Variants in ANKRD6 observed in about 807,000 individuals in gnomAD.
ANKRD6 encodes ankyrin repeat domain 6.
In ANKRD6, 56 loss-of-function variants were observed where a neutral mutation model predicts 82.3. The observed-to-expected ratio is 0.68, with a 90% CI of 0.55 to 0.85. The LOEUF (loss-of-function observed/expected upper bound fraction) is 0.85. Ranked by LOEUF, ANKRD6 falls within the 40% of genes least tolerant of loss-of-function variation. ANKRD6 has a pLI of 0.00. For missense variants in ANKRD6, 852 were observed against 907.6 expected (o/e 0.94, Z 0.79); for synonymous variants, 347 against 352.1 (o/e 0.99, Z 0.16).
At chr6:89,480,199 CAGA>C (rs1776625012) in intron 1 of ANKRD6, among the ~76,000 whole-genome samples, 1 of 152,184 alleles carries the variant, frequency 6.6e-6, no homozygotes, top group African/African-American at 2.4e-5. Flanking sequence ...GTAACTATCC[CAGA>C]AGATCAGCCT....
intron 2 of ANKRD6, among the ~76,000 whole-genome samples, chr6:89,576,703 TG>T (rs1791184129): frequency 2.6e-5 from 4 of 152,130 alleles, no homozygotes; most frequent in African/African-American, 9.7e-5. Context: ...AAGCTCCCGT[TG>T]GGTCTGTCAG....
At chr6:89,509,579 C>T (rs777368318) in intron 1 of ANKRD6, among the ~76,000 whole-genome samples, 6 of 152,186 alleles carry the variant, frequency 3.9e-5, no homozygotes, top group Non-Finnish European at 8.8e-5. Flanking sequence ...AATGACAGTT[C>T]ACACAGTGCC....
intron 2 of ANKRD6, among the ~76,000 whole-genome samples, chr6:89,586,682 C>T (rs1302174713): frequency 2.0e-5 from 3 of 151,040 alleles, no homozygotes; most frequent in African/African-American, 7.3e-5. Context: ...GCAAGACTGT[C>T]TTGGGGGAGA....
chr6:89,499,310 T>C (rs549263198), intron 1 of ANKRD6, among the ~76,000 whole-genome samples: 4 of 152,310 alleles, frequency 2.6e-5, no homozygotes, highest in African/African-American at 4.8e-5. Flanking sequence ...CCAGGACTTA[T>C]TCATATGGGC....
intron 1 of ANKRD6, among the ~76,000 whole-genome samples, chr6:89,481,305 C>T (rs1776779286): frequency 6.6e-6 from 1 of 152,172 alleles, no homozygotes; most frequent in Non-Finnish European, 1.5e-5. Flanking sequence ...TCAAATTGAA[C>T]ATCTCAAACC....
At chr6:89,523,781 T>A (rs1316199694) in intron 1 of ANKRD6, among the ~76,000 whole-genome samples, 1 of 152,142 alleles carries the variant, frequency 6.6e-6, no homozygotes, top group African/African-American at 2.4e-5. Context: ...CTGTGTTAGG[T>A]GCTAAGCCTG....
intron 1 of ANKRD6, among the ~76,000 whole-genome samples, chr6:89,548,344 T>C (rs1242373290): frequency 6.6e-6 from 1 of 152,234 alleles, no homozygotes; most frequent in Non-Finnish European, 1.5e-5. Context: ...TGCATCTATG[T>C]TATAGCATGT....
intron 1 of ANKRD6, among the ~76,000 whole-genome samples, chr6:89,450,137 G>T (rs1772625873): frequency 6.6e-6 from 1 of 152,110 alleles, no homozygotes; most frequent in Non-Finnish European, 1.5e-5. Flanking sequence ...AGGAGATCCA[G>T]ACCAGCCTGG....
intron 3 of ANKRD6, among the ~76,000 whole-genome samples, chr6:89,600,013 G>A (rs1274098042): frequency 1.3e-5 from 2 of 152,136 alleles, no homozygotes; most frequent in Non-Finnish European, 2.9e-5. Context: ...GTCCCCCAGA[G>A]GAAGGGGTGT....
At chr6:89,630,036 G>C (rs573959429) in intron 15 of ANKRD6, among the ~76,000 whole-genome samples, 1 of 152,298 alleles carries the variant, frequency 6.6e-6, no homozygotes, top group Admixed American at 6.5e-5. Context: ...TAGAGAATGG[G>C]AATACATATT....
chr6:89,620,375 G>A (rs1802755447), intron 9 of ANKRD6, among the ~76,000 whole-genome samples: 1 of 152,180 alleles, frequency 6.6e-6, no homozygotes. Flanking sequence ...ATTTTGATTG[G>A]TGTGGTTCAC....
At chr6:89,523,835 G>A (rs1782155237) in intron 1 of ANKRD6, among the ~76,000 whole-genome samples, 1 of 152,004 alleles carries the variant, frequency 6.6e-6, no homozygotes, top group Admixed American at 6.6e-5. Context: ...GGAGTTTATA[G>A]CATGAATAAA....
Position 89,617,935 on chromosome 6 carries a change from C to T in ANKRD6, c.715-19C>T, listed in dbSNP as rs1802017147. The stretch of plus-strand genomic sequence containing the variant: ...GACCCGTGGCCCTTTCTCACCTGTC[C>T]TACTCTGCCTCTCCTCAGGCAGGCC... On this transcript the variant is annotated intron_variant, in intron 8 of 15. Transcript: ENST00000339746. 1.2e-6 allele frequency: 2 copies of T among 1,613,186 alleles called. No homozygotes were observed. The highest frequency in any genetic ancestry group is 1.3e-5 in the African/African-American group (1 of 74,918).
At chr6:89,448,738 T>G (rs1046414487) in intron 1 of ANKRD6, among the ~76,000 whole-genome samples, 4 of 152,142 alleles carry the variant, frequency 2.6e-5, no homozygotes, top group African/African-American at 9.7e-5. Context: ...CAAGTCTTAT[T>G]TAAGAAATAT....
At chr6:89,442,396 G>A (rs1046606576) in intron 1 of ANKRD6, among the ~76,000 whole-genome samples, 1 of 151,916 alleles carries the variant, frequency 6.6e-6, no homozygotes, top group African/African-American at 2.4e-5. Flanking sequence ...GGCTAAGGTG[G>A]TCAGATTGCT....
intron 9 of ANKRD6, chr6:89,619,514 AAG>A (rs2128239863): frequency 6.6e-6 from 1 of 152,334 alleles, no homozygotes; most frequent in African/African-American, 2.4e-5. Context: ...TTAAAGGGCA[AAG>A]AGCCTTACTG....
At chr6:89,471,359 C>CAAAAAAAAAAA (rs568718441) in intron 1 of ANKRD6, among the ~76,000 whole-genome samples, 7 of 57,092 alleles carry the variant, frequency 1.2e-4, no homozygotes, top group African/African-American at 3.3e-4. Context: ...ACAACAACAA[C>CAAAAAAAAAAA]AAAAAAAAAA....
At chr6:89,527,395 AC>A (rs1782618052) in intron 1 of ANKRD6, among the ~76,000 whole-genome samples, 1 of 151,994 alleles carries the variant, frequency 6.6e-6, no homozygotes, top group Non-Finnish European at 1.5e-5. Context: ...GGAATTCGAG[AC>A]CAGCCTGGCC....
At chr6:89,587,286 C>A (rs939112000) in intron 2 of ANKRD6, among the ~76,000 whole-genome samples, 52 of 151,224 alleles carry the variant, frequency 3.4e-4, no homozygotes, top group African/African-American at 1.2e-3. Flanking sequence ...GTCAAGAGAT[C>A]AAGACCCTCC....
Sources: allele counts gnomAD v4.1 joint callset (sites outside exome capture counted in the v4.1 genomes callset), GRCh38; gene constraint gnomAD v4.1.1; transcripts MANE v1.5; gene names NCBI Gene and HGNC (gene_info 2026-07-23, HGNC 2026-07-21).